Variants in BRINP3 observed in about 807,000 individuals in gnomAD.
BRINP3 encodes BMP/retinoic acid-inducible neural-specific protein 3.
In BRINP3, 19 loss-of-function variants were observed where a neutral mutation model predicts 71.0. The ratio of observed to expected loss-of-function variants is 0.27; its 90% CI spans 0.19 to 0.39. BRINP3 has a LOEUF of 0.39. Ranked by LOEUF, BRINP3 falls within the 10% of genes least tolerant of loss-of-function variation. The probability of loss-of-function intolerance (pLI) is 1.00; values close to 1 mark genes in which losing one functional copy is unlikely to be tolerated. For synonymous variants in BRINP3, 380 were observed against 337.7 expected (o/e 1.13, Z -1.37); for missense variants, 959 against 940.8 (o/e 1.02, Z -0.25).
intron 7 of BRINP3, among the ~76,000 whole-genome samples, chr1:190,139,368 C>T (rs987641549): frequency 2.7e-5 from 4 of 147,600 alleles, no homozygotes; most frequent in African/African-American, 1.0e-4. Flanking sequence ...GGGAGAATCA[C>T]TTGAACCTGG....
chr1:190,453,203 ATTTTTTTTTTTTT>A lies in BRINP3; in HGVS notation c.236+1439_236+1451del, dbSNP rs1190785225. Reference sequence around the variant, plus strand: ...ACTTTTCAGAAAGAAAAACTTTAGTATTTTTTTTTTTTTTTTTTTTTTTTTTTTTTTTTTTGAG... The same window carrying A: ...ACTTTTCAGAAAGAAAAACTTTAGTATTTTTTTTTTTTTTTTTTTTTTGAG... On this transcript the variant is annotated intron_variant, in intron 2 of 7. Transcript: ENST00000367462. Among the ~76,000 whole-genome samples, 332 of 40,912 alleles carry A rather than the reference ATTTTTTTTTTTTT, an allele frequency of 8.1e-3. 2 individuals are homozygous for A. Among genetic ancestry groups the A allele is most frequent in the African/African-American group, 0.029 (296 of 10,164 alleles). The allele number at this position is 40,912 out of a possible 152,430, so 26.8% of individuals were successfully genotyped here.
chr1:190,357,371 T>C (rs1207893643), intron 2 of BRINP3, among the ~76,000 whole-genome samples: 1 of 152,006 alleles, frequency 6.6e-6, no homozygotes, highest in African/African-American at 2.4e-5. Context: ...ATTATAGTAT[T>C]GCTTCACTAC....
chr1:190,139,910 T>C (rs1655290890), intron 7 of BRINP3, among the ~76,000 whole-genome samples: 1 of 152,206 alleles, frequency 6.6e-6, no homozygotes, highest in African/African-American at 2.4e-5. Context: ...TCCTTGTCTC[T>C]GAGGGCTTGC....
At chr1:190,418,070 T>C (rs143729458) in intron 2 of BRINP3, among the ~76,000 whole-genome samples, 49 of 152,312 alleles carry the variant, frequency 3.2e-4, no homozygotes, top group Middle Eastern at 6.8e-3. Context: ...AGGTTAAGTA[T>C]ACCTAATTCC....
intron 2 of BRINP3, among the ~76,000 whole-genome samples, chr1:190,396,620 A>G (rs1374428855): frequency 1.3e-5 from 2 of 150,858 alleles, no homozygotes; most frequent in African/African-American, 4.9e-5. Context: ...TTTCAAGTAT[A>G]TTGGAAAATA....
At chr1:190,257,181 G>T (rs151232749) in intron 4 of BRINP3, among the ~76,000 whole-genome samples, 1 of 151,970 alleles carries the variant, frequency 6.6e-6, no homozygotes, top group Non-Finnish European at 1.5e-5. Flanking sequence ...GGCTTTGTCC[G>T]TTTCTTTTTA....
chr1:190,468,725 T>C (rs1486136414), intron 1 of BRINP3, among the ~76,000 whole-genome samples: 1 of 151,140 alleles, frequency 6.6e-6, no homozygotes, highest in African/African-American at 2.4e-5. Flanking sequence ...TGTATATCTT[T>C]TGGGGGGTGG....
At position 190,203,800 on chromosome 1, in the gene BRINP3, T is replaced by C. The variant is rs1336080799; in HGVS notation, c.961+22282A>G. On this transcript the variant is annotated intron_variant, in intron 6 of 7. Coordinates refer to ENST00000367462, the MANE Select transcript of BRINP3 (RefSeq NM_199051.3). ...ATATATATATATATATATATATATA[T>C]ATATATATATATATAAATGAAAACA... Among the ~76,000 whole-genome samples the C allele has an allele frequency of 4.8e-3, 236 of 48,874 alleles. 14 individuals are homozygous for C. The highest frequency in any genetic ancestry group is 0.017 in the African/African-American group (221 of 12,858). The allele number at this position is 48,874 out of a possible 152,430, so 32.1% of individuals were successfully genotyped here. A position where few individuals can be genotyped will look rare whatever the true frequency, so the allele number is the denominator to read the frequency against.
intron 6 of BRINP3, among the ~76,000 whole-genome samples, chr1:190,174,933 C>A (rs1036486575): frequency 6.6e-6 from 1 of 152,056 alleles, no homozygotes; most frequent in Non-Finnish European, 1.5e-5. Context: ...TCATATTTAT[C>A]CTATCTGCTG....
chr1:190,409,783 A>G (rs1558261280), intron 2 of BRINP3, among the ~76,000 whole-genome samples: 1 of 152,322 alleles, frequency 6.6e-6, no homozygotes, highest in African/African-American at 2.4e-5. Flanking sequence ...AAATGCTTCT[A>G]TAAAGCATAA....
chr1:190,427,797 T>C (rs1260646358), intron 2 of BRINP3, among the ~76,000 whole-genome samples: 1 of 151,962 alleles, frequency 6.6e-6, no homozygotes, highest in African/African-American at 2.4e-5. Context: ...CAGGTAAACT[T>C]GTGTCATGGG....
At chr1:190,152,534 C>A (rs1214746700) in intron 7 of BRINP3, among the ~76,000 whole-genome samples, 21 of 114,758 alleles carry the variant, frequency 1.8e-4, no homozygotes, top group Admixed American at 4.8e-4. Flanking sequence ...TCCCCCAACC[C>A]CCCCCCCGCC....
chr1:190,447,509 G>A (rs991717872), intron 2 of BRINP3, among the ~76,000 whole-genome samples: 1 of 146,196 alleles, frequency 6.8e-6, no homozygotes, highest in Non-Finnish European at 1.5e-5. Context: ...TGATATATAT[G>A]TACAAACACC....
At chr1:190,255,356 T>C (rs1660566658) in intron 4 of BRINP3, among the ~76,000 whole-genome samples, 1 of 152,042 alleles carries the variant, frequency 6.6e-6, no homozygotes, top group African/African-American at 2.4e-5. Flanking sequence ...TCAGAAGGAA[T>C]GGTACCAGCT....
At chr1:190,424,995 A>G (rs1343851887) in intron 2 of BRINP3, among the ~76,000 whole-genome samples, 1 of 151,672 alleles carries the variant, frequency 6.6e-6, no homozygotes, top group African/African-American at 2.4e-5. Flanking sequence ...GGAAAAATTT[A>G]AAGGAAACCA....
chr1:190,470,961 T>A (rs943429794), intron 1 of BRINP3, among the ~76,000 whole-genome samples: 1 of 151,196 alleles, frequency 6.6e-6, no homozygotes, highest in East Asian at 1.9e-4. Flanking sequence ...ACTGTATGAA[T>A]GAATACTTTA....
intron 2 of BRINP3, among the ~76,000 whole-genome samples, chr1:190,346,586 G>A (rs1668036357): frequency 1.3e-5 from 2 of 152,076 alleles, no homozygotes; most frequent in Non-Finnish European, 2.9e-5. Context: ...TGGTTGCAAT[G>A]AATCTGAGAA....
intron 2 of BRINP3, among the ~76,000 whole-genome samples, chr1:190,352,270 C>T (rs557604943): frequency 2.6e-5 from 4 of 152,070 alleles, no homozygotes; most frequent in Non-Finnish European, 1.5e-5. Flanking sequence ...AAACACAATT[C>T]ACAGGAATCA....
At chr1:190,273,056 T>TC (rs1336875068) in intron 3 of BRINP3, among the ~76,000 whole-genome samples, 1 of 151,148 alleles carries the variant, frequency 6.6e-6, no homozygotes, top group Non-Finnish European at 1.5e-5. Context: ...GAGATCTGTT[T>TC]TTTTTTTTCA....
Sources: allele counts gnomAD v4.1 joint callset (sites outside exome capture counted in the v4.1 genomes callset), GRCh38; gene constraint gnomAD v4.1.1; transcripts MANE v1.5; gene names NCBI Gene and HGNC (gene_info 2026-07-23, HGNC 2026-07-21).